The following FAM114A2 variants were observed in gnomAD, a reference collection of about 807,000 sequenced individuals.
The protein encoded by FAM114A2 is protein FAM114A2.
Under a neutral mutation model 58.4 loss-of-function variants are expected in FAM114A2, and 53 were observed. That is an observed-to-expected ratio of 0.91 (90% CI 0.73 to 1.14). FAM114A2 has a LOEUF of 1.14. FAM114A2 is among the 50% of genes most tolerant of loss of function. The pLI, the probability that FAM114A2 is intolerant of heterozygous loss-of-function variation, is 0.00. For synonymous variants in FAM114A2, 228 were observed against 211.4 expected (o/e 1.08, Z -0.68); for missense variants, 601 against 581.1 (o/e 1.03, Z -0.35).
intron 8 of FAM114A2, among the ~76,000 whole-genome samples, chr5:154,023,923 A>C (rs1332436046): frequency 6.6e-6 from 1 of 152,196 alleles, no homozygotes; most frequent in African/African-American, 2.4e-5. Context: ...GAATCCACAC[A>C]GTTAACTTTA....
intron 11 of FAM114A2, among the ~76,000 whole-genome samples, chr5:153,998,665 T>A (rs943051644): frequency 1.4e-4 from 21 of 152,202 alleles, no homozygotes; most frequent in African/African-American, 5.1e-4. Flanking sequence ...ACCAGAATCA[T>A]GAGCCAAATA....
chr5:154,005,360 G>A (rs1397535267), intron 9 of FAM114A2, among the ~76,000 whole-genome samples: 2 of 152,156 alleles, frequency 1.3e-5, no homozygotes, highest in Non-Finnish European at 2.9e-5. Flanking sequence ...TGTCCACAGA[G>A]TAAGTGGTGC....
chr5:154,027,136 T>C (rs771191232), intron 7 of FAM114A2, 40 bp downstream of exon 7: 12 of 1,542,424 alleles, frequency 7.8e-6, no homozygotes, highest in South Asian at 1.2e-5. Context: ...ATTCTTTTAC[T>C]TGAAGACTTT....
chr5:153,993,561 C>CACACACAT (rs977662612), intron 13 of FAM114A2, among the ~76,000 whole-genome samples: 1 of 152,170 alleles, frequency 6.6e-6, no homozygotes, highest in Non-Finnish European at 1.5e-5. Flanking sequence ...AATAACTGCT[C>CACACACAT]ACACACATAA....
chr5:154,021,703 G>A (rs371135429), intron 8 of FAM114A2, among the ~76,000 whole-genome samples: 6 of 152,228 alleles, frequency 3.9e-5, no homozygotes, highest in East Asian at 1.9e-4. Flanking sequence ...AATCAATATC[G>A]TGAAAATGGC....
At chr5:153,998,085 A>C (rs940274419) in intron 11 of FAM114A2, among the ~76,000 whole-genome samples, 4 of 152,182 alleles carry the variant, frequency 2.6e-5, no homozygotes, top group African/African-American at 9.7e-5. Context: ...TCTGAAAATA[A>C]TAAATAAAAA....
chr5:154,016,068 A>G (rs1304960004), intron 8 of FAM114A2, among the ~76,000 whole-genome samples: 1 of 152,122 alleles, frequency 6.6e-6, no homozygotes, highest in African/African-American at 2.4e-5. Flanking sequence ...CATTCCAACA[A>G]AGACAAAAGA....
chr5:154,006,449 A>G (rs944616472), intron 9 of FAM114A2, among the ~76,000 whole-genome samples: 2 of 152,204 alleles, frequency 1.3e-5, no homozygotes, highest in African/African-American at 4.8e-5. Context: ...TGGCCATACA[A>G]ATAGTTAGGC....
chr5:153,995,025 G>A, intron 12 of FAM114A2, 53 bp from the exon 13 acceptor site: 2 of 1,142,662 alleles, frequency 1.8e-6, no homozygotes, highest in Non-Finnish European at 2.7e-6. Context: ...ATAACAGTAA[G>A]TGGAGTACGA....
chr5:154,034,982 GCC>G lies in FAM114A2; in HGVS notation c.-14-17_-14-16del. The G allele has an allele frequency of 4.0e-6, 6 of 1,505,410 alleles. No individual in the cohort carries two copies. In the Admixed American group the frequency reaches 8.3e-5, roughly 21 times the overall value. The allele number at this position is 1,505,410 out of a possible 1,614,324, so 93.3% of individuals were successfully genotyped here. A position where few individuals can be genotyped will look rare whatever the true frequency, so the allele number is the denominator to read the frequency against. ...TAGAACATCAGCTGGTAAAATGAAA[GCC>G]CAAAAAAAATTTATATAGGCTTCTT... On this transcript the variant is annotated splice_polypyrimidine_tract_variant and intron_variant, in intron 1 of 13. Transcript: ENST00000351797.
At chr5:154,004,584 CTCTTT>C (rs1237804412) in intron 9 of FAM114A2, among the ~76,000 whole-genome samples, 2 of 152,178 alleles carry the variant, frequency 1.3e-5, no homozygotes, top group East Asian at 1.9e-4. Flanking sequence ...ATTTTTCAAC[CTCTTT>C]TATTTCCCAA....
intron 9 of FAM114A2, 58 bp from the exon 10 acceptor site, chr5:154,003,027 GCACC>G: frequency 6.6e-7 from 1 of 1,523,538 alleles, no homozygotes; most frequent in Non-Finnish European, 9.1e-7. Context: ...AAATTACTGT[GCACC>G]TACCAGGAAC....
At chr5:154,020,368 T>C (rs1771324434) in intron 8 of FAM114A2, among the ~76,000 whole-genome samples, 1 of 152,094 alleles carries the variant, frequency 6.6e-6, no homozygotes, top group African/African-American at 2.4e-5. Context: ...GGAGCTGATT[T>C]TTTGCAAAGA....
chr5:154,006,364 G>A (rs1770343043), intron 9 of FAM114A2, among the ~76,000 whole-genome samples: 1 of 152,168 alleles, frequency 6.6e-6, no homozygotes, highest in African/African-American at 2.4e-5. Context: ...GTGGGTATGG[G>A]TAGAAGGTGG....
At chr5:154,027,369 C>G in intron 6 of FAM114A2, 35 bp from the exon 7 acceptor site, 1 of 1,577,966 alleles carries the variant, frequency 6.3e-7, no homozygotes. Flanking sequence ...CTGTAGCAAA[C>G]AATGAGAGCT....
chr5:154,035,888 T>C (rs1772526150), intron 1 of FAM114A2, among the ~76,000 whole-genome samples: 1 of 152,318 alleles, frequency 6.6e-6, no homozygotes, highest in East Asian at 1.9e-4. Context: ...ATTCTGACAG[T>C]TGTGTGGTGA....
chr5:153,997,262 C>T (rs1400594851), intron 12 of FAM114A2, among the ~76,000 whole-genome samples: 2 of 151,956 alleles, frequency 1.3e-5, no homozygotes, highest in Admixed American at 6.6e-5. Flanking sequence ...AGCTATCTAC[C>T]CAAGAGAAAT....
At chr5:153,995,197 T>C in intron 12 of FAM114A2, 1 of 418,264 alleles carries the variant, frequency 2.4e-6, no homozygotes. Flanking sequence ...GTGTATTGTT[T>C]TATACCTTTT....
At chr5:154,027,413 G>C in intron 6 of FAM114A2, 79 bp from the exon 7 acceptor site, 2 of 1,268,280 alleles carry the variant, frequency 1.6e-6, no homozygotes, top group Non-Finnish European at 1.1e-6. Context: ...AGGAAGCAAA[G>C]CTTAGACAGG....
Sources: gnomAD v4.1 joint callset for allele counts (sites outside exome capture counted in the v4.1 genomes callset) on GRCh38, gnomAD v4.1.1 for gene constraint, MANE v1.5 for transcripts, NCBI Gene and HGNC (gene_info 2026-07-23, HGNC 2026-07-21) for gene names.